The following TRAPPC9 variants were observed in gnomAD, a reference collection of about 807,000 sequenced individuals.
TRAPPC9 encodes trafficking protein particle complex subunit 9.
Under a neutral mutation model 124.0 loss-of-function variants are expected in TRAPPC9, and 83 were observed. The ratio of observed to expected loss-of-function variants is 0.67; its 90% CI spans 0.56 to 0.80. The LOEUF is 0.80. Ranked by LOEUF, TRAPPC9 falls within the 30% of genes least tolerant of loss-of-function variation. The pLI is 0.00. For synonymous variants in TRAPPC9, 638 were observed against 617.5 expected (o/e 1.03, Z -0.49); for missense variants, 1,302 against 1,508.3 (o/e 0.86, Z 2.27).
At chr8:140,109,163 A>C (rs933843735) in intron 17 of TRAPPC9, among the ~76,000 whole-genome samples, 3 of 152,200 alleles carry the variant, frequency 2.0e-5, no homozygotes, top group African/African-American at 7.2e-5. Context: ...AGGTCGACAC[A>C]AGCCTCTCGC....
intron 17 of TRAPPC9, among the ~76,000 whole-genome samples, chr8:140,059,553 T>A (rs971318615): frequency 6.6e-6 from 1 of 152,230 alleles, no homozygotes; most frequent in Non-Finnish European, 1.5e-5. Flanking sequence ...GCCACACCAT[T>A]GTACACTGTC....
chr8:140,078,328 G>GT (rs1843624206), intron 17 of TRAPPC9, among the ~76,000 whole-genome samples: 1 of 152,204 alleles, frequency 6.6e-6, no homozygotes, highest in South Asian at 2.1e-4. Flanking sequence ...CTGAGAGAAG[G>GT]TAAGTCACGC....
chr8:139,747,902 A>AG (rs570983119), intron 21 of TRAPPC9, among the ~76,000 whole-genome samples: 1 of 26,260 alleles, frequency 3.8e-5, no homozygotes, highest in South Asian at 1.6e-3. Flanking sequence ...CAGAGCAGGT[A>AG]GGGGGGGCAT....
chr8:140,382,213 C>T (rs920084605), intron 7 of TRAPPC9, among the ~76,000 whole-genome samples: 5 of 152,184 alleles, frequency 3.3e-5, no homozygotes, highest in Non-Finnish European at 7.4e-5. Context: ...CCAGCGTGAG[C>T]GACACAGAAG....
chr8:140,089,185 T>C (rs1270854171), intron 17 of TRAPPC9, among the ~76,000 whole-genome samples: 1 of 152,186 alleles, frequency 6.6e-6, no homozygotes, highest in African/African-American at 2.4e-5. Flanking sequence ...ACTGATGGCC[T>C]TTTTCTTCTC....
chr8:139,755,466 A>G (rs1819665881), intron 21 of TRAPPC9, among the ~76,000 whole-genome samples: 1 of 140,424 alleles, frequency 7.1e-6, no homozygotes. Flanking sequence ...TTTCGGGATG[A>G]GGACAGCAGG....
In TRAPPC9 at chr8:140,221,464, C is replaced by G; in HGVS notation, c.2551G>C (p.Val851Leu). 6.2e-7 allele frequency: 1 copy of G among 1,614,086 alleles called. No individual in the cohort carries two copies. The change falls in exon 17 of 23, where the codon GTG becomes CTG. Residue 851 changes from valine (V) to leucine (L), a missense_variant. Transcript: ENST00000438773. ...ESNKAGDYSH[V>L]KTLEAVLNFK... ...CGTCTGCCATACCAACTCACCTTCA[C>G]GTGGCTGTAGTCGCCTGCTTTGTTG...
Position 140,039,047 on chromosome 8 carries a change from C to T in TRAPPC9, c.2557-14968G>A, listed in dbSNP as rs112414818. Among the ~76,000 whole-genome samples the T allele has an allele frequency of 4.6e-3, 699 of 152,334 alleles. 7 individuals are homozygous for T. The highest frequency in any genetic ancestry group is 0.016 in the African/African-American group (670 of 41,572). The stretch of plus-strand genomic sequence containing the variant: ...CCTCAGGTCAATGTGCAGTGATCTA[C>T]AAGATCCCATCCGGTGTTAAATCTG... On this transcript the variant is annotated intron_variant, in intron 17 of 22. Coordinates refer to ENST00000438773, the MANE Select transcript of TRAPPC9 (RefSeq NM_001160372.4).
At chr8:140,214,304 G>A (rs2063138368) in intron 17 of TRAPPC9, among the ~76,000 whole-genome samples, 1 of 152,164 alleles carries the variant, frequency 6.6e-6, no homozygotes, top group African/African-American at 2.4e-5. Context: ...GCCAGGCTAG[G>A]CAGCACTAAG....
intron 17 of TRAPPC9, among the ~76,000 whole-genome samples, chr8:140,119,707 A>G (rs1233145338): frequency 6.6e-6 from 1 of 152,254 alleles, no homozygotes; most frequent in African/African-American, 2.4e-5. Flanking sequence ...AGAGTGGCTC[A>G]GCTGAGAAAT....
At chr8:140,126,471 C>T (rs903792063) in intron 17 of TRAPPC9, among the ~76,000 whole-genome samples, 15 of 152,232 alleles carry the variant, frequency 9.9e-5, no homozygotes, top group Admixed American at 5.2e-4. Flanking sequence ...CACCCCGTCA[C>T]GAGAAGTTCA....
intron 2 of TRAPPC9, among the ~76,000 whole-genome samples, chr8:140,443,232 G>A (rs1484788606): frequency 5.4e-5 from 8 of 148,184 alleles, no homozygotes; most frequent in African/African-American, 1.0e-4. Context: ...TCAGGAGATC[G>A]AGACCATCCT....
chr8:140,199,323 C>T (rs2062736093), intron 17 of TRAPPC9, among the ~76,000 whole-genome samples: 1 of 152,000 alleles, frequency 6.6e-6, no homozygotes, highest in Admixed American at 6.6e-5. Context: ...GTGGACTATC[C>T]CTGGTATCTG....
At chr8:140,204,680 C>T (rs1268270977) in intron 17 of TRAPPC9, among the ~76,000 whole-genome samples, 3 of 151,466 alleles carry the variant, frequency 2.0e-5, no homozygotes, top group Non-Finnish European at 4.4e-5. Flanking sequence ...CTGTGACACA[C>T]CAGCTCCCCC....
At chr8:139,848,047 TCC>T (rs1453276150) in intron 21 of TRAPPC9, among the ~76,000 whole-genome samples, 2 of 152,182 alleles carry the variant, frequency 1.3e-5, no homozygotes, top group African/African-American at 4.8e-5. Flanking sequence ...TCCCAGGAGC[TCC>T]ATAGCCTCTT....
intron 2 of TRAPPC9, among the ~76,000 whole-genome samples, chr8:140,445,623 C>T (rs536602356): frequency 1.3e-5 from 2 of 152,350 alleles, no homozygotes; most frequent in South Asian, 4.1e-4. Flanking sequence ...CCAGCCACCA[C>T]TGGATCCCTG....
Position 140,450,909 on chromosome 8 carries a change from C to G in TRAPPC9, c.465G>C (p.Leu155=), listed in dbSNP as rs753597358. 4 of 1,614,168 alleles carry G rather than the reference C, an allele frequency of 2.5e-6. No homozygotes were observed. The highest frequency in any genetic ancestry group is 4.5e-5 in the East Asian group (2 of 44,876). ...GACGCTTGGACTCCAGCACGATGAA[C>G]AGTGACTCGATGAAGTCCTCGATTC... ...EKRIEDFIES[L]FIVLESKRLD... Residue 155 remains leucine, a synonymous_variant, in exon 2 of 23, where the codon CTG becomes CTC. Transcript: ENST00000438773.
chr8:140,415,620 G>A (rs948071067), intron 5 of TRAPPC9, among the ~76,000 whole-genome samples: 1 of 151,908 alleles, frequency 6.6e-6, no homozygotes, highest in Non-Finnish European at 1.5e-5. Context: ...TACTAAAAAT[G>A]ATATGCCACA....
chr8:139,956,189 T>C (rs1291584479), intron 19 of TRAPPC9, among the ~76,000 whole-genome samples: 1 of 150,844 alleles, frequency 6.6e-6, no homozygotes, highest in Non-Finnish European at 1.5e-5. Flanking sequence ...TGAGATGGAG[T>C]CTCACACTGT....
Sources: allele counts gnomAD v4.1 joint callset (sites outside exome capture counted in the v4.1 genomes callset), GRCh38; gene constraint gnomAD v4.1.1; transcripts MANE v1.5; gene names NCBI Gene and HGNC (gene_info 2026-07-23, HGNC 2026-07-21).